ITPR2: variants seen among roughly 807,000 people sequenced by gnomAD.
The protein encoded by ITPR2 is inositol 1,4,5-trisphosphate receptor type 2.
Under a neutral mutation model 317.1 loss-of-function variants are expected in ITPR2, and 207 were observed. That is an observed-to-expected ratio of 0.65 (90% CI 0.58 to 0.73). The LOEUF is 0.73. Among genes scored for constraint, ITPR2 ranks in the 30% least tolerant of loss-of-function variants. The probability of loss-of-function intolerance (pLI) is 0.00; values close to 1 mark genes in which losing one functional copy is unlikely to be tolerated. For synonymous variants in ITPR2, 1,156 were observed against 1,149.1 expected (o/e 1.01, Z -0.12); for missense variants, 2,613 against 3,284.0 (o/e 0.80, Z 4.99).
At chr12:26,596,309 T>G (rs1369801398) in intron 31 of ITPR2, among the ~76,000 whole-genome samples, 3 of 152,224 alleles carry the variant, frequency 2.0e-5, no homozygotes, top group Non-Finnish European at 4.4e-5. Flanking sequence ...TGAAGAGAGC[T>G]GTCTAGTAGC....
Position 26,387,670 on chromosome 12 carries a change from A to G in ITPR2, c.7697-76T>C. On this transcript the variant is annotated intron_variant, in intron 54 of 56. Transcript: ENST00000381340. ...TTGCTTCTTAGCATAAAAACAAAAC[A>G]CAATAATTATTGTGAAAAAAATGCT... 2.9e-6 allele frequency: 4 copies of G among 1,373,554 alleles called. No homozygotes were observed. The East Asian group carries it at 9.4e-5, about 32-fold the overall frequency. The allele number at this position is 1,373,554 out of a possible 1,614,324, so 85.1% of individuals were successfully genotyped here.
At chr12:26,516,057 G>A (rs956095837) in intron 37 of ITPR2, among the ~76,000 whole-genome samples, 3 of 151,290 alleles carry the variant, frequency 2.0e-5, no homozygotes, top group African/African-American at 4.9e-5. Context: ...CCTGAAGGCA[G>A]AGGTTGCAGT....
intron 6 of ITPR2, 40 bp downstream of exon 6, chr12:26,716,104 G>C: frequency 1.5e-6 from 2 of 1,328,868 alleles, no homozygotes; most frequent in Middle Eastern, 1.8e-4. Flanking sequence ...TGTCTCATGA[G>C]AAAAATGAAC....
At chr12:26,714,284 T>C (rs1948700490) in intron 8 of ITPR2, among the ~76,000 whole-genome samples, 1 of 152,178 alleles carries the variant, frequency 6.6e-6, no homozygotes, top group Admixed American at 6.6e-5. Context: ...TTATTACGTC[T>C]CCTAACACTG....
At chr12:26,502,289 T>C (rs574447104) in intron 37 of ITPR2, among the ~76,000 whole-genome samples, 12 of 152,324 alleles carry the variant, frequency 7.9e-5, no homozygotes, top group African/African-American at 2.6e-4. Flanking sequence ...TAAGAATGGA[T>C]TTTACTGCTT....
intron 55 of ITPR2, among the ~76,000 whole-genome samples, chr12:26,343,303 C>T (rs1938196584): frequency 6.6e-6 from 1 of 152,098 alleles, no homozygotes; most frequent in African/African-American, 2.4e-5. Flanking sequence ...AATAGAATAA[C>T]AAAATTTAAA....
In ITPR2 at chr12:26,682,691, T is replaced by TA. The variant is rs769355357; in HGVS notation, c.1149-19dup. The TA allele has an allele frequency of 7.3e-6, 11 of 1,505,666 alleles. No homozygotes were observed. Among genetic ancestry groups the TA allele is most frequent in the Admixed American group, 1.8e-5 (1 of 55,576 alleles). The allele number at this position is 1,505,666 out of a possible 1,614,324, so 93.3% of individuals were successfully genotyped here. Reference sequence around the variant, plus strand: ...ATGAGTTCCTAAAAGCAAAACAATATAAAAAAACAAATTATAAAAAATTAG... The same window carrying TA: ...ATGAGTTCCTAAAAGCAAAACAATATAAAAAAAACAAATTATAAAAAATTAG... On this transcript the variant is annotated intron_variant, in intron 11 of 56. Transcript: ENST00000381340.
At chr12:26,538,486 G>A (rs1944163811) in intron 37 of ITPR2, among the ~76,000 whole-genome samples, 1 of 152,184 alleles carries the variant, frequency 6.6e-6, no homozygotes, top group Non-Finnish European at 1.5e-5. Context: ...CCTACTATGT[G>A]GAGAAGCATC....
Position 26,439,335 on chromosome 12 carries a change from T to C in ITPR2, c.6451-16A>G. 1 of 1,581,124 alleles carries C rather than the reference T, an allele frequency of 6.3e-7. No homozygotes were observed. On this transcript the variant is annotated splice_polypyrimidine_tract_variant and intron_variant, in intron 46 of 56. Coordinates refer to ENST00000381340, the MANE Select transcript of ITPR2 (RefSeq NM_002223.4). ...GCCGGACAATCTGAAAACATTAATT[T>C]GCATTGTTTTTAGCCTTTCGGACAC...
chr12:26,660,317 T>C (rs1010756727), intron 15 of ITPR2, among the ~76,000 whole-genome samples: 1 of 152,216 alleles, frequency 6.6e-6, no homozygotes, highest in African/African-American at 2.4e-5. Context: ...TATTGTTTGA[T>C]CTACTCCTTA....
intron 26 of ITPR2, among the ~76,000 whole-genome samples, chr12:26,613,943 A>G (rs1352927643): frequency 1.3e-5 from 2 of 152,162 alleles, no homozygotes; most frequent in East Asian, 1.9e-4. Context: ...TAAAATCTCA[A>G]TAAGGCCTTA....
intron 45 of ITPR2, among the ~76,000 whole-genome samples, chr12:26,462,224 T>C (rs1397327455): frequency 6.6e-6 from 1 of 151,262 alleles, no homozygotes; most frequent in Non-Finnish European, 1.5e-5. Context: ...TGGAGTGCAG[T>C]GGTGCCATCT....
chr12:26,731,117 T>G (rs549034319), intron 2 of ITPR2, among the ~76,000 whole-genome samples: 4 of 29,044 alleles, frequency 1.4e-4, no homozygotes, highest in East Asian at 2.3e-3. Context: ...CCTTTGGCAA[T>G]GGTGGAAAAA....
At chr12:26,392,794 C>T (rs1189783789) in intron 54 of ITPR2, among the ~76,000 whole-genome samples, 1 of 152,140 alleles carries the variant, frequency 6.6e-6, no homozygotes, top group Non-Finnish European at 1.5e-5. Context: ...GATAATATCG[C>T]CACAGCAAGA....
Position 26,574,354 on chromosome 12 carries a change from C to T in ITPR2, c.4630+4359G>A, listed in dbSNP as rs377431658. On this transcript the variant is annotated intron_variant, in intron 34 of 56. Coordinates refer to ENST00000381340, the MANE Select transcript of ITPR2 (RefSeq NM_002223.4). Reference sequence around the variant, plus strand: ...AGTGAGGTGATTTTAGATCCCTTGACGACTGAGGGTTCACTTCTGAATGTG... The same window carrying T: ...AGTGAGGTGATTTTAGATCCCTTGATGACTGAGGGTTCACTTCTGAATGTG... 3.9e-5 allele frequency among the ~76,000 whole-genome samples: 6 copies of T among 152,216 alleles called. 1 individual carries two copies. The highest frequency in any genetic ancestry group is 9.6e-5 in the African/African-American group (4 of 41,530).
intron 45 of ITPR2, among the ~76,000 whole-genome samples, chr12:26,463,000 G>A (rs1942076814): frequency 6.6e-6 from 1 of 152,182 alleles, no homozygotes; most frequent in Middle Eastern, 3.4e-3. Context: ...GTTTATGTCT[G>A]AGCAGGAAAA....
intron 37 of ITPR2, among the ~76,000 whole-genome samples, chr12:26,518,868 A>G (rs1261069681): frequency 6.6e-6 from 1 of 152,188 alleles, no homozygotes; most frequent in Admixed American, 6.5e-5. Context: ...ACAGAAAAAA[A>G]TTAAATGATC....
chr12:26,534,440 A>C (rs1944028827), intron 37 of ITPR2, among the ~76,000 whole-genome samples: 1 of 152,190 alleles, frequency 6.6e-6, no homozygotes, highest in Non-Finnish European at 1.5e-5. Flanking sequence ...ATGTAAAGAA[A>C]TCTCTTCTAT....
chr12:26,718,518 A>ATATAT (rs57224547), intron 5 of ITPR2, among the ~76,000 whole-genome samples: 2,892 of 149,516 alleles, frequency 0.019, 94 homozygotes, highest in African/African-American at 0.067. Flanking sequence ...TATATATATA[A>ATATAT]GGTTTTAAAT....
Sources: gnomAD v4.1 joint callset for allele counts (sites outside exome capture counted in the v4.1 genomes callset) on GRCh38, gnomAD v4.1.1 for gene constraint, MANE v1.5 for transcripts, NCBI Gene and HGNC (gene_info 2026-07-23, HGNC 2026-07-21) for gene names.